Variants in MAP3K2 observed in about 807,000 individuals in gnomAD.
The protein encoded by MAP3K2 is mitogen-activated protein kinase kinase kinase 2.
MAP3K2 carries 24 observed loss-of-function variants against 80.3 expected under a neutral mutation model. The ratio of observed to expected loss-of-function variants is 0.30; its 90% CI spans 0.22 to 0.42. The LOEUF (loss-of-function observed/expected upper bound fraction) is 0.42. MAP3K2 is among the 10% of genes least tolerant of loss of function. The pLI is 1.00. For missense variants in MAP3K2, 608 were observed against 750.1 expected, an observed-to-expected ratio of 0.81 and a Z score of 2.21; for synonymous variants, 244 against 253.7, an observed-to-expected ratio of 0.96 and a Z score of 0.36.
At chr2:127,385,685 T>C (rs1000874631) in intron 1 of MAP3K2, among the ~76,000 whole-genome samples, 5 of 152,134 alleles carry the variant, frequency 3.3e-5, no homozygotes, top group African/African-American at 1.2e-4. Context: ...TGTTTGATAA[T>C]AAAAAGTGGG....
chr2:127,307,815 A>T lies in MAP3K2; in HGVS notation c.1635-11T>A. Reference sequence around the variant, plus strand: ...GTACATGCAACACTCCTGAAAAGAAACAAAAAGAAATACATTACACAAACA... The same window carrying T: ...GTACATGCAACACTCCTGAAAAGAATCAAAAAGAAATACATTACACAAACA... On this transcript the variant is annotated splice_polypyrimidine_tract_variant and intron_variant, in intron 16 of 16. Coordinates refer to ENST00000682094, the MANE Select transcript of MAP3K2 (RefSeq NM_001371910.2). This position sits in a 1 kb window ranked among gnomAD's most constrained non-coding sequence, Gnocchi z 5.4. The T allele has an allele frequency of 6.5e-7, 1 of 1,550,380 alleles. No individual in the cohort carries two copies. Among genetic ancestry groups the T allele is most frequent in the Non-Finnish European group, 8.8e-7 (1 of 1,139,800 alleles).
chr2:127,321,948 T>C lies in MAP3K2; in HGVS notation c.1045+98A>G, dbSNP rs1686028804. ...TATTACCTTTTTTGAGTAGTTCATC[T>C]GACCCCAAAAACTCACTTAGTATTT... On this transcript the variant is annotated intron_variant, in intron 12 of 16. Transcript: ENST00000682094. The surrounding 1 kb of genome is among the most constrained non-coding windows in gnomAD (Gnocchi z 4.4). 2.9e-6 allele frequency: 3 copies of C among 1,049,616 alleles called. No individual in the cohort carries two copies. The highest frequency in any genetic ancestry group is 4.3e-6 in the Non-Finnish European group (3 of 704,202). The allele number at this position is 1,049,616 out of a possible 1,614,324, so 65.0% of individuals were successfully genotyped here. A position where few individuals can be genotyped will look rare whatever the true frequency, so the allele number is the denominator to read the frequency against.
At chr2:127,341,274 C>A (rs926917676) in intron 2 of MAP3K2, among the ~76,000 whole-genome samples, 1 of 151,910 alleles carries the variant, frequency 6.6e-6, no homozygotes, top group African/African-American at 2.4e-5. Flanking sequence ...CAGGTGTGAG[C>A]CACTGCACCC....
intron 1 of MAP3K2, among the ~76,000 whole-genome samples, chr2:127,368,727 C>G (rs1558989459): frequency 6.6e-6 from 1 of 152,016 alleles, no homozygotes; most frequent in Non-Finnish European, 1.5e-5. Context: ...TTTTTAATAC[C>G]TAATATAACT....
At chr2:127,383,874 ATTTT>A (rs111243354) in intron 1 of MAP3K2, among the ~76,000 whole-genome samples, 33,987 of 141,332 alleles carry the variant, frequency 0.24, 4,014 homozygotes, top group South Asian at 0.28. Flanking sequence ...GCAACAAATA[ATTTT>A]TTTTTTTTTT....
At chr2:127,368,408 G>C (rs1161966444) in intron 1 of MAP3K2, among the ~76,000 whole-genome samples, 1 of 152,106 alleles carries the variant, frequency 6.6e-6, no homozygotes, top group Non-Finnish European at 1.5e-5. Flanking sequence ...AGATCACGAG[G>C]TCTGGAGTTC....
Position 127,301,124 on chromosome 2 carries a change from C to T in MAP3K2, c.*6455G>A, listed in dbSNP as rs1484838234. ...AAATTATTTGGGGACAAGTCCTGTA[C>T]ATATAGTAGAAGCAGATACTTCCTT... is the stretch of plus-strand genomic sequence containing the variant. On this transcript the variant is annotated 3_prime_UTR_variant, in exon 17 of 17. Transcript: ENST00000682094. 1 of 152,210 alleles carries T rather than the reference C, an allele frequency of 6.6e-6. No homozygotes were observed. Among genetic ancestry groups the T allele is most frequent in the Non-Finnish European group, 1.5e-5 (1 of 68,046 alleles). The allele number at this position is 152,210 out of a possible 1,614,324, so 9.4% of individuals were successfully genotyped here.
At chr2:127,330,647 G>A (rs1304866951) in intron 5 of MAP3K2, 142 bp from the exon 6 acceptor site, 9 of 469,496 alleles carry the variant, frequency 1.9e-5, no homozygotes, top group Admixed American at 4.1e-5. Context: ...ATGTGTATGT[G>A]TATATTGTTT....
intron 15 of MAP3K2, among the ~76,000 whole-genome samples, chr2:127,309,047 G>A (rs941339048): frequency 6.6e-6 from 1 of 152,150 alleles, no homozygotes; most frequent in African/African-American, 2.4e-5. Context: ...TGAAGAGGAG[G>A]AGAAAGGGGA....
In MAP3K2 at chr2:127,322,305, T is replaced by C. The variant is rs1005395727; in HGVS notation, c.839-53A>G. 3.5e-6 allele frequency: 4 copies of C among 1,147,014 alleles called. No homozygotes were observed. Among genetic ancestry groups the C allele is most frequent in the African/African-American group, 1.6e-5 (1 of 63,838 alleles). The allele number at this position is 1,147,014 out of a possible 1,614,324, so 71.1% of individuals were successfully genotyped here. A position where few individuals can be genotyped will look rare whatever the true frequency, so the allele number is the denominator to read the frequency against. On this transcript the variant is annotated intron_variant, in intron 11 of 16. Coordinates refer to ENST00000682094, the MANE Select transcript of MAP3K2 (RefSeq NM_001371910.2). The surrounding 1 kb of genome is among the most constrained non-coding windows in gnomAD (Gnocchi z 4.2). ...TACCTTTTATTAATATGTTATACTT[T>C]TAAAGTATTTAAAATTTGTAATGTA...
At chr2:127,342,388 G>GGGGGGTGT (rs143219830) in intron 2 of MAP3K2, among the ~76,000 whole-genome samples, 1 of 147,744 alleles carries the variant, frequency 6.8e-6, no homozygotes, top group East Asian at 2.0e-4. Context: ...TCTTCATGAG[G>GGGGGGTGT]GTGTGTGTGT....
At chr2:127,379,311 T>C (rs1687208799) in intron 1 of MAP3K2, among the ~76,000 whole-genome samples, 1 of 152,118 alleles carries the variant, frequency 6.6e-6, no homozygotes, top group Non-Finnish European at 1.5e-5. Context: ...CTGATAATGT[T>C]TTTGGAATAC....
intron 1 of MAP3K2, among the ~76,000 whole-genome samples, chr2:127,369,201 C>A (rs891318272): frequency 6.6e-6 from 1 of 151,278 alleles, no homozygotes; most frequent in Non-Finnish European, 1.5e-5. Context: ...CTGCCCGCCT[C>A]GGCCTCCCAA....
chr2:127,362,626 C>G (rs985664925), intron 1 of MAP3K2, among the ~76,000 whole-genome samples: 6 of 152,170 alleles, frequency 3.9e-5, no homozygotes, highest in African/African-American at 1.4e-4. Flanking sequence ...ATACTGTTAT[C>G]AGGCACTAGA....
chr2:127,308,496 A>G, intron 16 of MAP3K2, 89 bp downstream of exon 16: 1 of 1,203,266 alleles, frequency 8.3e-7, no homozygotes. Context: ...AGTACAAAAG[A>G]TTATTTACAT....
chr2:127,377,617 ATC>A (rs1687173276), intron 1 of MAP3K2, among the ~76,000 whole-genome samples: 1 of 152,236 alleles, frequency 6.6e-6, no homozygotes, highest in South Asian at 2.1e-4. Flanking sequence ...TACCTGTAAA[ATC>A]AGAAAAATAT....
At chr2:127,380,194 G>A (rs918830155) in intron 1 of MAP3K2, among the ~76,000 whole-genome samples, 1 of 152,104 alleles carries the variant, frequency 6.6e-6, no homozygotes, top group Non-Finnish European at 1.5e-5. Context: ...ACAACAAAAC[G>A]CTGCCTCTGT....
rs1001991983 is a variant in MAP3K2, at chr2:127,364,916, T to C, written c.-65-21722A>G. Among the ~76,000 whole-genome samples the C allele has an allele frequency of 2.0e-5, 3 of 151,884 alleles. No individual in the cohort carries two copies. Among genetic ancestry groups the C allele is most frequent in the African/African-American group, 7.3e-5 (3 of 41,354 alleles). Reference sequence around the variant, plus strand: ...GCCAAGGCAGGCAGATCACCTGAGGTCAGGAGTTTGAGACCGGCCTGGCCA... The same window carrying C: ...GCCAAGGCAGGCAGATCACCTGAGGCCAGGAGTTTGAGACCGGCCTGGCCA... On this transcript the variant is annotated intron_variant, in intron 1 of 16. Transcript: ENST00000682094. The surrounding 1 kb of genome is among the most constrained non-coding windows in gnomAD (Gnocchi z 4.1).
At chr2:127,317,283 TAAGAA>T (rs1313321377) in intron 14 of MAP3K2, among the ~76,000 whole-genome samples, 1 of 152,122 alleles carries the variant, frequency 6.6e-6, no homozygotes, top group African/African-American at 2.4e-5. Flanking sequence ...AAAAATTGTT[TAAGAA>T]GAGAGAGATA....
Sources: allele counts gnomAD v4.1 joint callset (sites outside exome capture counted in the v4.1 genomes callset), GRCh38; gene constraint gnomAD v4.1.1; non-coding constraint Gnocchi (gnomAD v3.1); transcripts MANE v1.5; gene names NCBI Gene and HGNC (gene_info 2026-07-23, HGNC 2026-07-21).